NCKAP5: variants seen among roughly 807,000 people sequenced by gnomAD.
NCKAP5 encodes the protein NCK associated protein 5.
Under a neutral mutation model 167.0 loss-of-function variants are expected in NCKAP5, and 92 were observed. The observed-to-expected ratio is 0.55, with a 90% CI of 0.47 to 0.66. The LOEUF (loss-of-function observed/expected upper bound fraction) is 0.66, where lower values mean the gene tolerates loss of function less well. NCKAP5 is among the 30% of genes least tolerant of loss of function. NCKAP5 has a pLI of 0.00. For synonymous variants in NCKAP5, 891 were observed against 877.4 expected (o/e 1.02, Z -0.27); for missense variants, 2,378 against 2,315.0 (o/e 1.03, Z -0.56).
chr2:133,573,031 T>A (rs773773911), upstream of NCKAP5, among the ~76,000 whole-genome samples: 2 of 152,144 alleles, frequency 1.3e-5, no homozygotes, highest in Non-Finnish European at 2.9e-5. Flanking sequence ...AACCATAACT[T>A]ACAATAGATC....
the NCKAP5 span, among the ~76,000 whole-genome samples, chr2:133,613,658 T>C: frequency 2.0e-5 from 3 of 152,180 alleles, no homozygotes; most frequent in Non-Finnish European, 4.4e-5. Flanking sequence ...ATTTCTTGAA[T>C]TTCACTGAGA....
Position 133,077,017 on chromosome 2 carries a change from A to C in NCKAP5, c.341+52961T>G, listed in dbSNP as rs1218887525. ...GAGAATTACTGGGTAGGCAAATGATAGTCTAGTTGTTTAAACCACTAGCCA... is the reference window on the plus strand; with the variant it reads ...GAGAATTACTGGGTAGGCAAATGATCGTCTAGTTGTTTAAACCACTAGCCA... On this transcript the variant is annotated intron_variant, in intron 6 of 19. Coordinates refer to ENST00000409261, the MANE Select transcript of NCKAP5 (RefSeq NM_207363.3). Among the ~76,000 whole-genome samples, 6 of 152,206 alleles carry C rather than the reference A, an allele frequency of 3.9e-5. No homozygotes were observed. The East Asian group carries it at 1.2e-3, about 29-fold the overall frequency.
the NCKAP5 span, among the ~76,000 whole-genome samples, chr2:133,608,565 T>A: frequency 6.6e-6 from 1 of 152,336 alleles, no homozygotes; most frequent in Admixed American, 6.5e-5. Flanking sequence ...TTAGTCAGTG[T>A]TCTTCCCTGG....
Position 133,030,505 on chromosome 2 carries a change from G to A in NCKAP5, c.342-36266C>T, listed in dbSNP as rs77592109. ...TATTTTTAAATGGTGGAAAGGATCT[G>A]GGGGCTGCATGAGGACCCCAGGATG... On this transcript the variant is annotated intron_variant, in intron 6 of 19. Coordinates refer to ENST00000409261, the MANE Select transcript of NCKAP5 (RefSeq NM_207363.3). Among the ~76,000 whole-genome samples, 603 of 152,294 alleles carry A rather than the reference G, an allele frequency of 4.0e-3. 5 individuals carry two copies. The highest frequency in any genetic ancestry group is 0.014 in the African/African-American group (584 of 41,570).
chr2:133,043,866 G>C (rs1197265209), intron 6 of NCKAP5, among the ~76,000 whole-genome samples: 1 of 141,724 alleles, frequency 7.1e-6, no homozygotes, highest in African/African-American at 2.6e-5. Context: ...TTCTGTAATA[G>C]TTTTTTTTTT....
At chr2:133,521,614 T>C (rs1387039348) in intron 2 of NCKAP5, among the ~76,000 whole-genome samples, 8 of 152,210 alleles carry the variant, frequency 5.3e-5, no homozygotes, top group Admixed American at 3.3e-4. Context: ...CAGATGGACA[T>C]CTTCTCACTG....
intron 5 of NCKAP5, 129 bp from the exon 6 acceptor site, chr2:133,130,240 A>C (rs1348361927): frequency 3.0e-6 from 3 of 1,002,084 alleles, no homozygotes; most frequent in Non-Finnish European, 4.2e-6. Flanking sequence ...CCCACGAAGT[A>C]GGTCCTATTC....
intron 6 of NCKAP5, among the ~76,000 whole-genome samples, chr2:133,064,925 T>C (rs1359933431): frequency 6.6e-6 from 1 of 152,192 alleles, no homozygotes; most frequent in Non-Finnish European, 1.5e-5. Flanking sequence ...TAACTGAGGA[T>C]ATATTAGCAG....
At chr2:132,935,518 G>A (rs1204119916) in intron 8 of NCKAP5, among the ~76,000 whole-genome samples, 1 of 152,128 alleles carries the variant, frequency 6.6e-6, no homozygotes, top group Admixed American at 6.6e-5. Context: ...GCCCTTTCTG[G>A]GACAGGAAAT....
the NCKAP5 span, among the ~76,000 whole-genome samples, chr2:133,638,949 G>A: frequency 0.078 from 11,823 of 151,798 alleles, 597 homozygotes; most frequent in Non-Finnish European, 0.11. Flanking sequence ...TGTAATTGTT[G>A]CAAGAATGTA....
At chr2:133,472,499 TCCA>T (rs965145703) in intron 3 of NCKAP5, among the ~76,000 whole-genome samples, 3 of 152,050 alleles carry the variant, frequency 2.0e-5, no homozygotes, top group African/African-American at 7.2e-5. Context: ...TAGGCTCCCC[TCCA>T]CCACCTATCC....
chr2:133,085,500 T>C (rs952803781), intron 6 of NCKAP5, among the ~76,000 whole-genome samples: 13 of 152,202 alleles, frequency 8.5e-5, no homozygotes, highest in African/African-American at 3.1e-4. Flanking sequence ...TGCTTATTTC[T>C]GGGTAATGGG....
intron 7 of NCKAP5, among the ~76,000 whole-genome samples, chr2:132,988,867 G>T (rs1416045143): frequency 6.6e-6 from 1 of 152,004 alleles, no homozygotes; most frequent in Non-Finnish European, 1.5e-5. Flanking sequence ...ACATTAATTG[G>T]TGACTCTAAA....
intron 6 of NCKAP5, among the ~76,000 whole-genome samples, chr2:133,026,695 C>T (rs564509432): frequency 5.3e-5 from 8 of 152,252 alleles, no homozygotes; most frequent in South Asian, 4.2e-4. Context: ...AAAGTCTGTG[C>T]GCTGAAGCCT....
At chr2:133,433,492 T>C (rs1383165607) in intron 3 of NCKAP5, 1 of 152,230 alleles carries the variant, frequency 6.6e-6, no homozygotes, top group African/African-American at 2.4e-5. Context: ...GATAGATTAC[T>C]TACATGTGTG....
the NCKAP5 span, among the ~76,000 whole-genome samples, chr2:133,645,177 A>C: frequency 2.0e-5 from 3 of 152,238 alleles, no homozygotes; most frequent in Non-Finnish European, 2.9e-5. Flanking sequence ...GTAACAGTAA[A>C]AGCAAAAGAA....
intron 3 of NCKAP5, among the ~76,000 whole-genome samples, chr2:133,482,048 T>C (rs1002106697): frequency 4.6e-5 from 7 of 152,192 alleles, no homozygotes; most frequent in Non-Finnish European, 7.3e-5. Flanking sequence ...TGTTCACGTT[T>C]TTTAATCTTC....
intron 3 of NCKAP5, among the ~76,000 whole-genome samples, chr2:133,354,620 C>T (rs1223379095): frequency 2.0e-5 from 3 of 152,194 alleles, no homozygotes; most frequent in Non-Finnish European, 2.9e-5. Context: ...ACGATAGAAG[C>T]AATTTCACAG....
chr2:132,777,991 T>C (rs1682697762), intron 15 of NCKAP5, among the ~76,000 whole-genome samples: 1 of 152,098 alleles, frequency 6.6e-6, no homozygotes, highest in African/African-American at 2.4e-5. Flanking sequence ...GATTTTTATT[T>C]TTGTCCAGTG....
Sources: allele counts gnomAD v4.1 joint callset (sites outside exome capture counted in the v4.1 genomes callset), GRCh38; gene constraint gnomAD v4.1.1; transcripts MANE v1.5; gene names NCBI Gene and HGNC (gene_info 2026-07-23, HGNC 2026-07-21).